Variants in FBRSL1 observed in about 807,000 individuals in gnomAD.
The protein encoded by FBRSL1 is fibrosin like 1.
FBRSL1 carries 51 observed loss-of-function variants against 89.6 expected under a neutral mutation model. The ratio of observed to expected loss-of-function variants is 0.57; its 90% CI spans 0.45 to 0.72. The LOEUF is 0.72. FBRSL1 is among the 30% of genes least tolerant of loss of function. FBRSL1 has a pLI of 0.00. For missense variants in FBRSL1, 1,618 were observed against 1,451.8 expected (o/e 1.11, Z -1.86); for synonymous variants, 779 against 681.1 (o/e 1.14, Z -2.24).
intron 5 of FBRSL1, among the ~76,000 whole-genome samples, chr12:132,562,674 C>G (rs1008920601): frequency 1.5e-5 from 2 of 137,624 alleles, no homozygotes; most frequent in African/African-American, 5.3e-5. Flanking sequence ...CACGAACGTG[C>G]GGGGCCCAAC....
chr12:132,574,643 CTG>C (rs927377230), intron 14 of FBRSL1, 79 bp downstream of exon 14: 16 of 1,496,444 alleles, frequency 1.1e-5, no homozygotes, highest in African/African-American at 8.3e-5. Flanking sequence ...AGGCATGAGG[CTG>C]TGTGTGTTCA....
In FBRSL1 at chr12:132,572,403, GCGGTGGGTGGGGCTGCCCCTCGCCTGGCC is replaced by G; in HGVS notation, c.1434+60_1434+88del. 4 of 1,536,264 alleles carry G rather than the reference GCGGTGGGTGGGGCTGCCCCTCGCCTGGCC, an allele frequency of 2.6e-6. No individual in the cohort carries two copies. The Admixed American group carries it at 7.9e-5, about 30-fold the overall frequency. On this transcript the variant is annotated intron_variant, in intron 10 of 18. Coordinates refer to ENST00000680143, the MANE Select transcript of FBRSL1 (RefSeq NM_001367871.1). ...TGTGCACGCAGGTCCTGGCCACGGGGCGGTGGGTGGGGCTGCCCCTCGCCTGGCCTCGCCCCTGCTGCATTGGTGCCACC... is the reference window on the plus strand; with the variant it reads ...TGTGCACGCAGGTCCTGGCCACGGGGTCGCCCCTGCTGCATTGGTGCCACC...
intron 5 of FBRSL1, chr12:132,551,224 C>T: frequency 2.7e-6 from 1 of 363,736 alleles, no homozygotes; most frequent in South Asian, 2.0e-5. Context: ...TTGTGTGGAA[C>T]CCGTCTGTGA....
At chr12:132,526,303 T>C (rs1347843299) in intron 3 of FBRSL1, among the ~76,000 whole-genome samples, 1 of 152,190 alleles carries the variant, frequency 6.6e-6, no homozygotes, top group Admixed American at 6.5e-5. Context: ...ATCATTTAAA[T>C]GAAGGCCTCA....
At chr12:132,569,082 CCT>C (rs1043320445) in intron 6 of FBRSL1, among the ~76,000 whole-genome samples, 5 of 152,138 alleles carry the variant, frequency 3.3e-5, no homozygotes, top group Admixed American at 6.5e-5. Context: ...AAACTGGCCC[CCT>C]GACCGTGGCA....
chr12:132,560,134 C>A (rs1335869680), intron 5 of FBRSL1: 2 of 151,816 alleles, frequency 1.3e-5, no homozygotes, highest in African/African-American at 4.8e-5. Context: ...GTCGCCTGGA[C>A]GGGCCAGGGC....
In FBRSL1 at chr12:132,582,955, G is replaced by C; in HGVS notation, c.2202-16G>C. ...CGGAGGTCTCGGGAGTGACGGGTCC[G>C]CCCTGCCGCCCCCAGGGACCTCCTG... On this transcript the variant is annotated splice_polypyrimidine_tract_variant and intron_variant, in intron 18 of 18. Coordinates refer to ENST00000680143, the MANE Select transcript of FBRSL1 (RefSeq NM_001367871.1). The C allele has an allele frequency of 7.1e-7, 1 of 1,399,140 alleles. No individual in the cohort carries two copies. Among genetic ancestry groups the C allele is most frequent in the Non-Finnish European group, 9.2e-7 (1 of 1,085,640 alleles). 86.7% of individuals were successfully genotyped at this position (1,399,140 alleles called of 1,614,324 possible). A position where few individuals can be genotyped will look rare whatever the true frequency, so the allele number is the denominator to read the frequency against.
intron 2 of FBRSL1, among the ~76,000 whole-genome samples, chr12:132,515,403 A>G (rs569830947): frequency 5.9e-5 from 9 of 152,312 alleles, no homozygotes; most frequent in Admixed American, 5.2e-4. Context: ...GAATTTCACT[A>G]GAAAATAAGG....
At chr12:132,543,935 G>T (rs2137251056) in intron 4 of FBRSL1, among the ~76,000 whole-genome samples, 1 of 152,292 alleles carries the variant, frequency 6.6e-6, no homozygotes, top group East Asian at 1.9e-4. Flanking sequence ...GGGGAGCCCT[G>T]ACTCACGCCT....
intron 15 of FBRSL1, among the ~76,000 whole-genome samples, chr12:132,579,075 C>T (rs1381721964): frequency 2.0e-5 from 3 of 152,198 alleles, no homozygotes; most frequent in Non-Finnish European, 4.4e-5. Context: ...CTCTGGATAC[C>T]TGGTGGCTGT....
At chr12:132,540,768 C>T (rs1479997927) in intron 4 of FBRSL1, among the ~76,000 whole-genome samples, 2 of 152,056 alleles carry the variant, frequency 1.3e-5, no homozygotes, top group Admixed American at 6.5e-5. Flanking sequence ...GGGGCCCCTC[C>T]CCGATGGCAG....
chr12:132,575,695 G>C (rs576486902), intron 14 of FBRSL1, among the ~76,000 whole-genome samples: 1 of 152,380 alleles, frequency 6.6e-6, no homozygotes, highest in South Asian at 2.1e-4. Flanking sequence ...GAGGAGGGCA[G>C]ATCCTGCAAG....
intron 2 of FBRSL1, among the ~76,000 whole-genome samples, chr12:132,512,182 C>G (rs1320127910): frequency 1.3e-5 from 2 of 152,274 alleles, no homozygotes; most frequent in Non-Finnish European, 2.9e-5. Context: ...CACCGCAAGG[C>G]TACTGTGTGG....
At chr12:132,501,064 T>G (rs1340618139) in intron 1 of FBRSL1, among the ~76,000 whole-genome samples, 2 of 152,194 alleles carry the variant, frequency 1.3e-5, no homozygotes, top group Non-Finnish European at 2.9e-5. Flanking sequence ...CTGCAGCCAC[T>G]GCCAGGGAGG....
chr12:132,576,764 CG>C, intron 14 of FBRSL1, 34 bp from the exon 15 acceptor site: 3 of 1,539,842 alleles, frequency 1.9e-6, no homozygotes, highest in East Asian at 2.5e-5. Context: ...GGCCAGTCCC[CG>C]GGCAGGCGGC....
At position 132,584,311 on chromosome 12, in the gene FBRSL1, CTTA is replaced by C. The variant is rs1437561563; in HGVS notation, c.*538_*540del. 1.3e-5 allele frequency: 2 copies of C among 152,018 alleles called. No homozygotes were observed. The highest frequency in any genetic ancestry group is 1.9e-4 in the East Asian group (1 of 5,190). The allele number at this position is 152,018 out of a possible 1,614,324, so 9.4% of individuals were successfully genotyped here. A position where few individuals can be genotyped will look rare whatever the true frequency, so the allele number is the denominator to read the frequency against. On this transcript the variant is annotated 3_prime_UTR_variant, in exon 19 of 19. Coordinates refer to ENST00000680143, the MANE Select transcript of FBRSL1 (RefSeq NM_001367871.1). ...AATGTACAAAACTTTGTTTTTTTGC[CTTA>C]TTATGCAGAAGTGTAATTTCTTTTT... is the stretch of plus-strand genomic sequence containing the variant.
chr12:132,547,613 G>A (rs569111489), intron 4 of FBRSL1, among the ~76,000 whole-genome samples: 6 of 152,322 alleles, frequency 3.9e-5, no homozygotes, highest in Non-Finnish European at 5.9e-5. Context: ...GTCCTGGGCC[G>A]GAGGCTGCCC....
Position 132,582,060 on chromosome 12 carries a change from A to G in FBRSL1, c.1997-2A>G, listed in dbSNP as rs1312415091. The G allele has an allele frequency of 6.5e-7, 1 of 1,543,422 alleles. No individual in the cohort carries two copies. ...CTCATGCTCCCCGGCCTCTGCCCCCAGCTCCCGGTGGCAGCATCTTTGCCC... is the reference window on the plus strand; with the variant it reads ...CTCATGCTCCCCGGCCTCTGCCCCCGGCTCCCGGTGGCAGCATCTTTGCCC... On this transcript the variant is annotated splice_acceptor_variant, in intron 17 of 18. Transcript: ENST00000680143. LOFTEE classifies it high-confidence loss of function.
intron 2 of FBRSL1, chr12:132,511,586 A>G (rs2034346975): frequency 6.1e-6 from 6 of 985,480 alleles, no homozygotes; most frequent in Non-Finnish European, 7.2e-6. Flanking sequence ...GTGGTCCTCC[A>G]GAGAGCAGCG....
Sources: gnomAD v4.1 joint callset for allele counts (sites outside exome capture counted in the v4.1 genomes callset) on GRCh38, gnomAD v4.1.1 for gene constraint, MANE v1.5 for transcripts, NCBI Gene and HGNC (gene_info 2026-07-23, HGNC 2026-07-21) for gene names.